The following BACH2 variants were observed in gnomAD, a reference collection of about 807,000 sequenced individuals.
BACH2 encodes BACH transcriptional regulator 2, also known as transcription regulator protein BACH2.
BACH2 carries 5 observed loss-of-function variants against 61.8 expected under a neutral mutation model. That is an observed-to-expected ratio of 0.08 (90% CI 0.04 to 0.17). The LOEUF (loss-of-function observed/expected upper bound fraction) is 0.17, where lower values mean the gene tolerates loss of function less well. Ranked by LOEUF, BACH2 falls within the 10% of genes least tolerant of loss-of-function variation. The probability of loss-of-function intolerance (pLI) is 1.00; values close to 1 mark genes in which losing one functional copy is unlikely to be tolerated. For missense variants in BACH2, 824 were observed against 1,091.1 expected (o/e 0.76, Z 3.45); for synonymous variants, 446 against 440.1 (o/e 1.01, Z -0.17).
rs116184118 is a variant in BACH2, at chr6:90,044,494, T to A, written c.-12-35638A>T. The stretch of plus-strand genomic sequence containing the variant: ...AGGAGTTTGGGTTTTACTCTAAGTG[T>A]TATGAGAAGCCAGAGTAGGCAAGTG... On this transcript the variant is annotated intron_variant, in intron 5 of 8. Coordinates refer to ENST00000257749, the MANE Select transcript of BACH2 (RefSeq NM_021813.4). Among the ~76,000 whole-genome samples the A allele has an allele frequency of 1.9e-3, 289 of 152,316 alleles. 2 individuals are homozygous for A. The highest frequency in any genetic ancestry group is 6.6e-3 in the African/African-American group (276 of 41,584).
intron 4 of BACH2, among the ~76,000 whole-genome samples, chr6:90,091,372 A>T (rs556259373): frequency 3.3e-5 from 5 of 152,314 alleles, no homozygotes; most frequent in Admixed American, 2.6e-4. Context: ...AACACAAAAC[A>T]GGTTATACAT....
At chr6:89,998,796 C>G (rs1776985224) in intron 6 of BACH2, among the ~76,000 whole-genome samples, 1 of 151,878 alleles carries the variant, frequency 6.6e-6, no homozygotes, top group Non-Finnish European at 1.5e-5. Context: ...CTTATCCAAC[C>G]AAGATTCCAG....
chr6:90,241,270 T>C (rs1005461348), intron 3 of BACH2, among the ~76,000 whole-genome samples: 3 of 152,146 alleles, frequency 2.0e-5, no homozygotes, highest in Admixed American at 1.3e-4. Flanking sequence ...TACTTCTCAA[T>C]GGCAGACACT....
chr6:89,982,532 T>G (rs143088996), intron 6 of BACH2, among the ~76,000 whole-genome samples: 1 of 152,204 alleles, frequency 6.6e-6, no homozygotes, highest in Admixed American at 6.5e-5. Context: ...CAGATAGAAT[T>G]TGATAAGTTA....
chr6:89,950,402 T>C lies in BACH2; in HGVS notation c.1704A>G (p.Gly568=). 6.2e-7 allele frequency: 1 copy of C among 1,614,088 alleles called. No individual in the cohort carries two copies. The highest frequency in any genetic ancestry group is 1.1e-5 in the South Asian group (1 of 91,082). ...ATEHQEPGLM[G]DGMYNQVRPQ... ...GCCGCACTTGGTTGTACATTCCATC[T>C]CCCATCAGGCCTGGTTCCTGATGTT... The change falls in exon 7 of 9, where the codon GGA becomes GGG. Residue 568 remains glycine, a synonymous_variant. Coordinates refer to ENST00000257749, the MANE Select transcript of BACH2 (RefSeq NM_021813.4). The surrounding 1 kb of genome is among the most constrained non-coding windows in gnomAD (Gnocchi z 5.3).
At chr6:90,121,328 T>C (rs912258386) in intron 4 of BACH2, among the ~76,000 whole-genome samples, 1 of 152,218 alleles carries the variant, frequency 6.6e-6, no homozygotes, top group South Asian at 2.1e-4. Context: ...CCAGTCAGGT[T>C]AGCTAAGAGG....
chr6:89,969,906 G>A (rs1444473302), intron 6 of BACH2, among the ~76,000 whole-genome samples: 1 of 152,124 alleles, frequency 6.6e-6, no homozygotes, highest in East Asian at 1.9e-4. Context: ...GAGCAAAACT[G>A]GTTCATCCTT....
chr6:90,200,467 A>T (rs901289892), intron 4 of BACH2, among the ~76,000 whole-genome samples: 2 of 152,102 alleles, frequency 1.3e-5, no homozygotes, highest in African/African-American at 4.8e-5. Flanking sequence ...ACCATTAGTA[A>T]ATTAAAATGA....
intron 6 of BACH2, among the ~76,000 whole-genome samples, chr6:89,982,302 G>A (rs866129646): frequency 6.6e-6 from 1 of 152,106 alleles, no homozygotes; most frequent in Non-Finnish European, 1.5e-5. Context: ...AGTGGCAAGT[G>A]GGAGGTGGTC....
intron 4 of BACH2, among the ~76,000 whole-genome samples, chr6:90,153,161 C>G (rs1219749568): frequency 2.6e-5 from 4 of 152,094 alleles, no homozygotes; most frequent in Non-Finnish European, 5.9e-5. Context: ...CTGTGAAAGG[C>G]AAGTATATTT....
intron 4 of BACH2, among the ~76,000 whole-genome samples, chr6:90,112,000 T>C (rs182797959): frequency 1.8e-4 from 28 of 152,356 alleles, no homozygotes; most frequent in African/African-American, 6.3e-4. Flanking sequence ...AGGGAAATGA[T>C]GTGTTACAAC....
chr6:90,055,315 A>C (rs1178111916), intron 5 of BACH2, among the ~76,000 whole-genome samples: 1 of 152,242 alleles, frequency 6.6e-6, no homozygotes, highest in Non-Finnish European at 1.5e-5. Context: ...CACGAGAGCT[A>C]CATGTCGAAT....
At position 89,953,928 on chromosome 6, in the gene BACH2, T is replaced by G. The variant is rs190909904; in HGVS notation, c.244-2066A>C. ...TCTGACCGACACTTTTGTATCCTGC[T>G]AAGCTGACATGGTAATAGGTTCAGC... On this transcript the variant is annotated intron_variant, in intron 6 of 8. Transcript: ENST00000257749. 1.3e-3 allele frequency among the ~76,000 whole-genome samples: 197 copies of G among 152,354 alleles called. 1 individual carries two copies. The highest frequency in any genetic ancestry group is 4.5e-3 in the African/African-American group (188 of 41,572).
intron 6 of BACH2, among the ~76,000 whole-genome samples, chr6:89,980,254 A>C (rs1775877297): frequency 6.6e-6 from 1 of 151,844 alleles, no homozygotes. Context: ...AGATCGTGCC[A>C]CTGCACTCCA....
At chr6:89,988,018 G>A (rs1027584162) in intron 6 of BACH2, among the ~76,000 whole-genome samples, 2 of 152,128 alleles carry the variant, frequency 1.3e-5, no homozygotes, top group African/African-American at 2.4e-5. Context: ...CACCTACTTC[G>A]ATCTACTTCA....
Position 90,134,213 on chromosome 6 carries a change from C to T in BACH2, c.-161-45104G>A, listed in dbSNP as rs1784198342. ...CTCTCCAGCACCTGTTGTTTCCTGA[C>T]TTTTTAATGATCGCCATTCTAACTG... On this transcript the variant is annotated intron_variant, in intron 4 of 8. Coordinates refer to ENST00000257749, the MANE Select transcript of BACH2 (RefSeq NM_021813.4). Among the ~76,000 whole-genome samples the T allele has an allele frequency of 3.9e-5, 6 of 152,284 alleles. 2 individuals are homozygous for T. The South Asian group carries it at 1.0e-3, about 26-fold the overall frequency.
chr6:90,089,808 C>G (rs1313508604), intron 4 of BACH2, among the ~76,000 whole-genome samples: 2 of 151,990 alleles, frequency 1.3e-5, no homozygotes, highest in Non-Finnish European at 2.9e-5. Flanking sequence ...ATGCAGCTAC[C>G]ATTTATTACA....
At chr6:89,964,576 A>G (rs1774944024) in intron 6 of BACH2, among the ~76,000 whole-genome samples, 1 of 152,130 alleles carries the variant, frequency 6.6e-6, no homozygotes, top group Non-Finnish European at 1.5e-5. Flanking sequence ...ACTCTTATTA[A>G]TTCCTTTTAG....
chr6:90,276,362 TAGTCTGCTTAAGATCAAC>T (rs1771691176), intron 1 of BACH2, among the ~76,000 whole-genome samples: 1 of 152,214 alleles, frequency 6.6e-6, no homozygotes, highest in Non-Finnish European at 1.5e-5. Flanking sequence ...TTTCTCTGCC[TAGTCTGCTTAAGATCAAC>T]AACACCTATA....
Sources: allele counts gnomAD v4.1 joint callset (sites outside exome capture counted in the v4.1 genomes callset), GRCh38; gene constraint gnomAD v4.1.1; non-coding constraint Gnocchi (gnomAD v3.1); transcripts MANE v1.5; gene names NCBI Gene and HGNC (gene_info 2026-07-23, HGNC 2026-07-21).